ZCCHC8: variants seen among roughly 807,000 people sequenced by gnomAD.
ZCCHC8 encodes the protein zinc finger CCHC-type containing 8, also known as zinc finger CCHC domain-containing protein 8.
In ZCCHC8, 27 loss-of-function variants were observed where a neutral mutation model predicts 70.6. That is an observed-to-expected ratio of 0.38 (90% CI 0.28 to 0.53). ZCCHC8 has a LOEUF of 0.53. Among genes scored for constraint, ZCCHC8 ranks in the 20% least tolerant of loss-of-function variants. The pLI, the probability that ZCCHC8 is intolerant of heterozygous loss-of-function variation, is 0.81. For missense variants in ZCCHC8, 737 were observed against 876.9 expected (o/e 0.84, Z 2.01); for synonymous variants, 293 against 317.4 (o/e 0.92, Z 0.82).
At position 122,472,920 on chromosome 12, in the gene ZCCHC8, A is replaced by T. The variant is rs1957342820; in HGVS notation, c.*577T>A. The T allele has an allele frequency of 6.6e-6, 1 of 152,298 alleles. No individual in the cohort carries two copies. The highest frequency in any genetic ancestry group is 2.4e-5 in the African/African-American group (1 of 41,452). 9.4% of individuals were successfully genotyped at this position (152,298 alleles called of 1,614,324 possible). A position where few individuals can be genotyped will look rare whatever the true frequency, so the allele number is the denominator to read the frequency against. ...ATGTATATGAAAACTAATTTATTAA[A>T]CCTCTGTACACAAAGATGAACATAC... is the stretch of plus-strand genomic sequence containing the variant. On this transcript the variant is annotated 3_prime_UTR_variant, in exon 14 of 14. Coordinates refer to ENST00000633063, the MANE Select transcript of ZCCHC8 (RefSeq NM_017612.5).
At chr12:122,482,907 G>A in intron 7 of ZCCHC8, 1 of 537,836 alleles carries the variant, frequency 1.9e-6, no homozygotes, top group Non-Finnish European at 3.2e-6. Context: ...GAACCCTTCT[G>A]TTCCTGACTG....
rs765381320 is a variant in ZCCHC8, at chr12:122,473,924, G to A, written c.1697C>T (p.Pro566Leu). The part of the protein sequence containing the change: ...SSPCPNELDL[P>L]VPEGKTSEKQ... ...TTCAGATGTTTTTCCCTCCGGGACA[G>A]GGAGGTCTAGCTCATTTGGACAAGG... Residue 566 changes from proline to leucine, a missense_variant, in exon 14 of 14, where the codon CCT becomes CTT. Transcript: ENST00000633063. The A allele has an allele frequency of 2.9e-5, 46 of 1,613,510 alleles. No individual in the cohort carries two copies. Among genetic ancestry groups the A allele is most frequent in the Middle Eastern group, 1.6e-4 (1 of 6,082 alleles).
chr12:122,478,325 C>G (rs756538522), intron 11 of ZCCHC8, 33 bp from the exon 12 acceptor site: 9 of 1,463,360 alleles, frequency 6.2e-6, no homozygotes, highest in Non-Finnish European at 7.5e-6. Context: ...AAAAAAAACA[C>G]ATGTATTTGG....
At position 122,482,063 on chromosome 12, in the gene ZCCHC8, C is replaced by T; in HGVS notation, c.757G>A (p.Glu253Lys). 1 of 1,609,972 alleles carries T rather than the reference C, an allele frequency of 6.2e-7. No homozygotes were observed. The highest frequency in any genetic ancestry group is 8.5e-7 in the Non-Finnish European group (1 of 1,178,648). Residue 253 changes from glutamate to lysine, a missense_variant, in exon 9 of 14, where the codon GAA (glutamate) becomes AAA (lysine). By Grantham distance (56) the Glu-to-Lys change is moderately conservative. Transcript: ENST00000633063. Reference sequence around the variant, plus strand: ...GCATCCATATACTCTTTTCTCTTTTCACTTATTCGAGCAGCATTCCGAGGC... The same window carrying T: ...GCATCCATATACTCTTTTCTCTTTTTACTTATTCGAGCAGCATTCCGAGGC... ...PMPRNAARIS[E>K]KRKEYMDACG...
At chr12:122,496,171 A>T (rs1957823893) in intron 2 of ZCCHC8, among the ~76,000 whole-genome samples, 1 of 2,710 alleles carries the variant, frequency 3.7e-4, no homozygotes, top group African/African-American at 4.0e-3. Flanking sequence ...TGTCTCAAAA[A>T]ATTTAAAAAA....
chr12:122,478,182 A>G (rs1430195804), intron 12 of ZCCHC8, 24 bp downstream of exon 12: 1 of 1,532,630 alleles, frequency 6.5e-7, no homozygotes, highest in Non-Finnish European at 8.9e-7. Flanking sequence ...CATTTTATAG[A>G]GCACACCCTT....
chr12:122,484,771 C>T (rs1957602515), intron 5 of ZCCHC8, among the ~76,000 whole-genome samples: 1 of 152,076 alleles, frequency 6.6e-6, no homozygotes, highest in Non-Finnish European at 1.5e-5. Flanking sequence ...GGCTGAGCTC[C>T]TAACAATGGA....
rs564596554 is a variant in ZCCHC8 at position 122,484,567 on chromosome 12, T to G, written c.502-1004A>C. 3.3e-5 allele frequency among the ~76,000 whole-genome samples: 5 copies of G among 149,564 alleles called. No individual in the cohort carries two copies. The South Asian group carries it at 1.1e-3, about 32-fold the overall frequency. ...AGTTGTGTCACTACACACAGCTAAT[T>G]TTTTTTTTTGAGATGGGGTCTTGCT... On this transcript the variant is annotated intron_variant, in intron 5 of 13. Transcript: ENST00000633063.
intron 3 of ZCCHC8, among the ~76,000 whole-genome samples, chr12:122,491,695 G>A (rs945279839): frequency 2.0e-5 from 3 of 151,986 alleles, no homozygotes; most frequent in Admixed American, 6.6e-5. Context: ...GGGCATGGTG[G>A]TGCATGCCTG....
chr12:122,473,423 T>C lies in ZCCHC8; in HGVS notation c.*74A>G. 6.9e-7 allele frequency: 1 copy of C among 1,445,944 alleles called. No homozygotes were observed. The highest frequency in any genetic ancestry group is 9.3e-7 in the Non-Finnish European group (1 of 1,072,360). The allele number at this position is 1,445,944 out of a possible 1,614,324, so 89.6% of individuals were successfully genotyped here. A position where few individuals can be genotyped will look rare whatever the true frequency, so the allele number is the denominator to read the frequency against. ...TGGGAGGGACAAACAGGAAAACCAT[T>C]CTATCTATCCACTTAATTAGTACTA... On this transcript the variant is annotated 3_prime_UTR_variant, in exon 14 of 14. Coordinates refer to ENST00000633063, the MANE Select transcript of ZCCHC8 (RefSeq NM_017612.5).
intron 5 of ZCCHC8, among the ~76,000 whole-genome samples, chr12:122,487,329 A>G (rs999648351): frequency 7.9e-5 from 12 of 152,180 alleles, no homozygotes; most frequent in Admixed American, 5.9e-4. Flanking sequence ...ATATTTTCGT[A>G]TTTTTTAAAG....
At chr12:122,477,661 C>A (rs1276582473) in intron 13 of ZCCHC8, among the ~76,000 whole-genome samples, 180 bp downstream of exon 13, 1 of 150,256 alleles carries the variant, frequency 6.7e-6, no homozygotes, top group Non-Finnish European at 1.5e-5. Context: ...CGTGGTGATG[C>A]ATGCCTGTAA....
intron 2 of ZCCHC8, among the ~76,000 whole-genome samples, chr12:122,498,546 T>C (rs71456746): frequency 1.3e-5 from 2 of 152,214 alleles, no homozygotes; most frequent in African/African-American, 2.4e-5. Flanking sequence ...TAGGAATAGC[T>C]AGGTTAACAA....
At chr12:122,475,111 G>A (rs1184653745) in intron 13 of ZCCHC8, among the ~76,000 whole-genome samples, 1 of 152,088 alleles carries the variant, frequency 6.6e-6, no homozygotes, top group Non-Finnish European at 1.5e-5. Flanking sequence ...GCAGTGGCAT[G>A]ATTTCAGCTG....
chr12:122,498,094 T>C (rs562510703), intron 2 of ZCCHC8, among the ~76,000 whole-genome samples: 2 of 152,344 alleles, frequency 1.3e-5, no homozygotes, highest in African/African-American at 2.4e-5. Flanking sequence ...GATTCTTTCA[T>C]TGTTCTATTT....
chr12:122,480,079 T>C (rs778245582), intron 11 of ZCCHC8, 111 bp downstream of exon 11: 4 of 992,994 alleles, frequency 4.0e-6, no homozygotes, highest in Non-Finnish European at 5.9e-6. Flanking sequence ...CCCAAAGTGT[T>C]GGGATTACAG....
intron 5 of ZCCHC8, among the ~76,000 whole-genome samples, chr12:122,487,072 T>G (rs563664681): frequency 1.3e-5 from 2 of 152,246 alleles, no homozygotes; most frequent in South Asian, 4.2e-4. Context: ...CTGCCTGGAG[T>G]GCCCCATTCA....
rs759871715 is a variant in ZCCHC8, at chr12:122,481,558, A to T, written c.982T>A (p.Leu328Met). ...YPPGWLKEAE[L>M]ENSGLALYDG... is the part of the protein sequence containing the mutation. ...TAGAGTGCAAGCCCCGAATTCTCCA[A>T]TTCAGCCTCTTTGAGCCACCCTGGT... Residue 328 changes from leucine (L) to methionine (M), a missense_variant, in exon 10 of 14, where the codon TTG (leucine) becomes ATG (methionine). Coordinates refer to ENST00000633063, the MANE Select transcript of ZCCHC8 (RefSeq NM_017612.5). 1 of 1,613,896 alleles carries T rather than the reference A, an allele frequency of 6.2e-7. No homozygotes were observed. Among genetic ancestry groups the T allele is most frequent in the Non-Finnish European group, 8.5e-7 (1 of 1,179,872 alleles).
intron 5 of ZCCHC8, among the ~76,000 whole-genome samples, chr12:122,485,563 G>A (rs1957617569): frequency 6.6e-6 from 1 of 152,120 alleles, no homozygotes; most frequent in African/African-American, 2.4e-5. Flanking sequence ...CTCAAGGGGC[G>A]TGTGAGTGGC....
Sources: allele counts gnomAD v4.1 joint callset (sites outside exome capture counted in the v4.1 genomes callset), GRCh38; gene constraint gnomAD v4.1.1; transcripts MANE v1.5; gene names NCBI Gene and HGNC (gene_info 2026-07-23, HGNC 2026-07-21).